Variants in GUCY1A2 observed in about 807,000 individuals in gnomAD.
GUCY1A2 encodes the protein guanylate cyclase 1 soluble subunit alpha 2, also known as guanylate cyclase soluble subunit alpha-2.
GUCY1A2 carries 27 observed loss-of-function variants against 63.5 expected under a neutral mutation model. The observed-to-expected ratio is 0.43, with a 90% CI of 0.31 to 0.59. GUCY1A2 has a LOEUF of 0.59. Ranked by LOEUF, GUCY1A2 falls within the 20% of genes least tolerant of loss-of-function variation. GUCY1A2 has a pLI of 0.11. For synonymous variants in GUCY1A2, 364 were observed against 343.5 expected (o/e 1.06, Z -0.66); for missense variants, 768 against 913.3 (o/e 0.84, Z 2.05).
intron 4 of GUCY1A2, among the ~76,000 whole-genome samples, chr11:106,875,157 C>A (rs779741123): frequency 2.0e-5 from 3 of 152,086 alleles, no homozygotes; most frequent in Non-Finnish European, 4.4e-5. Context: ...GCTACTATAA[C>A]AGTATCATAT....
At chr11:106,827,307 C>T (rs1480074041) in intron 4 of GUCY1A2, 1 of 1,555,656 alleles carries the variant, frequency 6.4e-7, no homozygotes, top group Non-Finnish European at 8.9e-7. Flanking sequence ...CAGCAATGAG[C>T]TTTGAAGTCA....
intron 6 of GUCY1A2, among the ~76,000 whole-genome samples, chr11:106,725,737 C>T (rs1863396644): frequency 6.6e-6 from 1 of 151,834 alleles, no homozygotes; most frequent in African/African-American, 2.4e-5. Flanking sequence ...TACTTTGAGC[C>T]AAATGTTTGA....
At chr11:106,925,640 A>T (rs1465385369) in intron 4 of GUCY1A2, among the ~76,000 whole-genome samples, 1 of 152,246 alleles carries the variant, frequency 6.6e-6, no homozygotes, top group Non-Finnish European at 1.5e-5. Context: ...ATTATAATAC[A>T]TAATAGTTTA....
rs1322092376 is a variant in GUCY1A2 at position 106,709,466 on chromosome 11, TA to T, written c.1837-801del. 2.7e-3 allele frequency among the ~76,000 whole-genome samples: 240 copies of T among 88,728 alleles called. 6 individuals are homozygous for T. Among genetic ancestry groups the T allele is most frequent in the Non-Finnish European group, 3.7e-3 (191 of 51,306 alleles). The allele number at this position is 88,728 out of a possible 152,430, so 58.2% of individuals were successfully genotyped here. On this transcript the variant is annotated intron_variant, in intron 6 of 7. Transcript: ENST00000526355. Reference sequence around the variant, plus strand: ...TAATATATATTCTATATTTATAGAATAATATATATTATTATATATTTATATA... The same window carrying T: ...TAATATATATTCTATATTTATAGAATATATATATTATTATATATTTATATA...
At chr11:106,963,306 T>C (rs1278597607) in intron 3 of GUCY1A2, among the ~76,000 whole-genome samples, 6 of 152,108 alleles carry the variant, frequency 3.9e-5, no homozygotes. Context: ...ATCATAATAG[T>C]AAAGGGATGA....
intron 2 of GUCY1A2, among the ~76,000 whole-genome samples, chr11:106,982,724 G>C (rs554723621): frequency 1.3e-5 from 2 of 151,962 alleles, no homozygotes; most frequent in Non-Finnish European, 2.9e-5. Flanking sequence ...AGAATGAAAC[G>C]ATACATACAA....
At chr11:106,721,439 T>C (rs894658069) in intron 6 of GUCY1A2, among the ~76,000 whole-genome samples, 2 of 152,210 alleles carry the variant, frequency 1.3e-5, no homozygotes, top group Admixed American at 6.5e-5. Context: ...AATAAAATAA[T>C]TGAAAATGAT....
intron 4 of GUCY1A2, among the ~76,000 whole-genome samples, chr11:106,855,898 TTTA>T (rs1186923511): frequency 3.5e-5 from 2 of 57,612 alleles, no homozygotes; most frequent in Non-Finnish European, 8.9e-5. Flanking sequence ...TTGTATTTTA[TTTA>T]TTTATTTATT....
chr11:106,941,206 T>C (rs1308252832), intron 3 of GUCY1A2, among the ~76,000 whole-genome samples: 1 of 152,124 alleles, frequency 6.6e-6, no homozygotes, highest in Non-Finnish European at 1.5e-5. Context: ...ATTGTTAAGT[T>C]TTCTCCATAT....
chr11:106,977,410 C>T (rs1861276649), intron 3 of GUCY1A2, among the ~76,000 whole-genome samples: 1 of 152,136 alleles, frequency 6.6e-6, no homozygotes, highest in Non-Finnish European at 1.5e-5. Flanking sequence ...AATCTTTGGC[C>T]TCCTTTTCAC....
At chr11:106,817,251 C>G (rs1166313869) in intron 4 of GUCY1A2, among the ~76,000 whole-genome samples, 2 of 152,072 alleles carry the variant, frequency 1.3e-5, no homozygotes, top group Non-Finnish European at 1.5e-5. Context: ...TTCCTTAAAA[C>G]ATATTGATAG....
In GUCY1A2 at chr11:106,923,648, T is replaced by C. The variant is rs140650948; in HGVS notation, c.1206+15812A>G. On this transcript the variant is annotated intron_variant, in intron 4 of 7. Coordinates refer to ENST00000526355, the MANE Select transcript of GUCY1A2 (RefSeq NM_000855.3). ...GAAAGATTTTTTTTAATTTTTACTT[T>C]AGCAAATATTGACATATAAAAGGGG... Among the ~76,000 whole-genome samples the C allele has an allele frequency of 3.5e-3, 529 of 152,238 alleles. 5 individuals carry two copies. Among genetic ancestry groups the C allele is most frequent in the African/African-American group, 0.012 (493 of 41,552 alleles).
chr11:106,954,453 C>A (rs1365128398), intron 3 of GUCY1A2, among the ~76,000 whole-genome samples: 1 of 152,126 alleles, frequency 6.6e-6, no homozygotes, highest in East Asian at 1.9e-4. Context: ...AGGGTAAGTG[C>A]CATGTGGCAC....
intron 4 of GUCY1A2, among the ~76,000 whole-genome samples, chr11:106,880,755 T>C (rs1222893252): frequency 3.9e-5 from 6 of 152,118 alleles, no homozygotes; most frequent in African/African-American, 1.2e-4. Flanking sequence ...TTAAAGTGCA[T>C]TGTGAATCCA....
intron 7 of GUCY1A2, among the ~76,000 whole-genome samples, chr11:106,695,194 T>A (rs921621362): frequency 2.0e-5 from 3 of 152,184 alleles, no homozygotes; most frequent in African/African-American, 7.2e-5. Context: ...TCTTTGTGTG[T>A]TTGTATGTGT....
At chr11:106,820,074 T>C (rs1457336080) in intron 4 of GUCY1A2, among the ~76,000 whole-genome samples, 1 of 152,158 alleles carries the variant, frequency 6.6e-6, no homozygotes, top group Non-Finnish European at 1.5e-5. Context: ...AAGTTTGTTT[T>C]CCTTGCTTAT....
intron 3 of GUCY1A2, among the ~76,000 whole-genome samples, chr11:106,951,674 C>A (rs1860911205): frequency 6.6e-6 from 1 of 152,098 alleles, no homozygotes; most frequent in Non-Finnish European, 1.5e-5. Context: ...ACTTTTCTCC[C>A]ATTCTGTAGG....
chr11:106,939,181 T>C (rs1252196221), intron 4 of GUCY1A2, among the ~76,000 whole-genome samples: 1 of 152,162 alleles, frequency 6.6e-6, no homozygotes, highest in Non-Finnish European at 1.5e-5. Context: ...TATTATCAGG[T>C]TTTTAGTGAG....
intron 1 of GUCY1A2, among the ~76,000 whole-genome samples, chr11:106,996,040 TAAAAC>T (rs1861530261): frequency 6.6e-6 from 1 of 152,122 alleles, no homozygotes; most frequent in Admixed American, 6.5e-5. Context: ...AATTAACACA[TAAAAC>T]AAAGAGATAT....
Sources: allele counts gnomAD v4.1 joint callset (sites outside exome capture counted in the v4.1 genomes callset), GRCh38; gene constraint gnomAD v4.1.1; transcripts MANE v1.5; gene names NCBI Gene and HGNC (gene_info 2026-07-23, HGNC 2026-07-21).